Variants in SCARF1 observed in about 807,000 individuals in gnomAD.
The protein encoded by SCARF1 is acetyl LDL receptor.
Under a neutral mutation model 76.3 loss-of-function variants are expected in SCARF1, and 49 were observed. The observed-to-expected ratio is 0.64, with a 90% CI of 0.51 to 0.81. The LOEUF (loss-of-function observed/expected upper bound fraction) is 0.81, where lower values mean the gene tolerates loss of function less well. Among genes scored for constraint, SCARF1 ranks in the 40% least tolerant of loss-of-function variants. The pLI is 0.00. For missense variants in SCARF1, 1,098 were observed against 1,143.9 expected, an observed-to-expected ratio of 0.96 and a Z score of 0.58; for synonymous variants, 495 against 474.6, an observed-to-expected ratio of 1.04 and a Z score of -0.56.
At chr17:1,638,972 A>G (rs1158789473) in intron 7 of SCARF1, 46 bp from the exon 8 acceptor site, 12 of 1,521,112 alleles carry the variant, frequency 7.9e-6, no homozygotes, top group Admixed American at 3.7e-5. Context: ...CCTGTCTCCT[A>G]CACATCCTGT....
chr17:1,640,459 C>A lies in SCARF1; in HGVS notation c.999G>T (p.Trp333Cys), dbSNP rs536728762. 4 of 1,557,362 alleles carry A rather than the reference C, an allele frequency of 2.6e-6. No individual in the cohort carries two copies. In the South Asian group the frequency reaches 3.5e-5, roughly 14 times the overall value. ...TGHCQRCDPG[W>C]LGPRCEDPCP... The stretch of plus-strand genomic sequence containing the variant: ...AATGGTGCCCTCACCTGGGCCCCAG[C>A]CAGCCAGGGTCACAGCGCTGACAGT... The change falls in exon 5 of 11, where the codon TGG becomes TGT. Residue 333 changes from tryptophan to cysteine, a missense_variant. Physicochemically the swap from Trp to Cys is radical, Grantham distance 215 (BLOSUM62 -2). Transcript: ENST00000263071. This position sits in a 1 kb window ranked among gnomAD's most constrained non-coding sequence, Gnocchi z 4.7.
Position 1,644,669 on chromosome 17 carries a change from AGTGT to A in SCARF1, c.265+161_265+164del, listed in dbSNP as rs1567667139. 3.0e-6 allele frequency: 2 copies of A among 665,238 alleles called. No homozygotes were observed. Among genetic ancestry groups the A allele is most frequent in the South Asian group, 3.6e-5 (2 of 55,256 alleles). 41.2% of individuals were successfully genotyped at this position (665,238 alleles called of 1,614,324 possible). On this transcript the variant is annotated intron_variant, in intron 3 of 10. Transcript: ENST00000263071. This position sits in a 1 kb window ranked among gnomAD's most constrained non-coding sequence, Gnocchi z 4.8. ...CCGGTGACTCAGGTCATCTCCCGGGAGTGTGTGTCACTTCCTGTCTCTGGACCGC... is the reference window on the plus strand; with the variant it reads ...CCGGTGACTCAGGTCATCTCCCGGGAGTGTCACTTCCTGTCTCTGGACCGC...
At position 1,634,862 on chromosome 17, in the gene SCARF1, A is replaced by C; in HGVS notation, c.2389T>G (p.Cys797Gly). The C allele has an allele frequency of 6.2e-7, 1 of 1,613,470 alleles. No homozygotes were observed. Among genetic ancestry groups the C allele is most frequent in the Non-Finnish European group, 8.5e-7 (1 of 1,179,934 alleles). Residue 797 changes from cysteine (C) to glycine (G), a missense_variant, in exon 11 of 11, where the codon TGT (cysteine) becomes GGT (glycine). By Grantham distance (159) the Cys-to-Gly change is radical. Transcript: ENST00000263071. ...SRRAQEPVSG[C>G]GSPEQDPQKQ... is the part of the protein sequence containing the mutation. ...TGGGGATCCTGTTCTGGGGAGCCACAGCCAGAGACTGGCTCCTGGGCTCTC... is the reference window on the plus strand; with the variant it reads ...TGGGGATCCTGTTCTGGGGAGCCACCGCCAGAGACTGGCTCCTGGGCTCTC...
At chr17:1,637,847 G>T (rs1236624575) in intron 8 of SCARF1, among the ~76,000 whole-genome samples, 2 of 152,192 alleles carry the variant, frequency 1.3e-5, no homozygotes, top group Non-Finnish European at 1.5e-5. Context: ...ATGTGGAGGA[G>T]ACTGCTCTGC....
In SCARF1 at chr17:1,634,412, T is replaced by A; in HGVS notation, c.*346A>T. ...TCAAAAAAAAAAAAAAAAATTTGTT[T>A]AGCCAATCTTTTATCAGCAAACATG... On this transcript the variant is annotated 3_prime_UTR_variant, in exon 11 of 11. Coordinates refer to ENST00000263071, the MANE Select transcript of SCARF1 (RefSeq NM_003693.4). 1 of 395,884 alleles carries A rather than the reference T, an allele frequency of 2.5e-6. No individual in the cohort carries two copies. The highest frequency in any genetic ancestry group is 4.4e-6 in the Non-Finnish European group (1 of 225,212). 24.5% of individuals were successfully genotyped at this position (395,884 alleles called of 1,614,324 possible).
Position 1,640,261 on chromosome 17 carries a change from G to A in SCARF1, c.1010+187C>T, listed in dbSNP as rs889195772. 5.3e-6 allele frequency: 4 copies of A among 753,614 alleles called. No homozygotes were observed. The highest frequency in any genetic ancestry group is 1.8e-5 in the African/African-American group (1 of 56,590). The allele number at this position is 753,614 out of a possible 1,614,324, so 46.7% of individuals were successfully genotyped here. A position where few individuals can be genotyped will look rare whatever the true frequency, so the allele number is the denominator to read the frequency against. Reference sequence around the variant, plus strand: ...CGAGGAGGGCAGGAAGCCTCAGAGGGGAGGGAGCTGGGATCCTGCCCAGGC... The same window carrying A: ...CGAGGAGGGCAGGAAGCCTCAGAGGAGAGGGAGCTGGGATCCTGCCCAGGC... On this transcript the variant is annotated intron_variant, in intron 5 of 10. Coordinates refer to ENST00000263071, the MANE Select transcript of SCARF1 (RefSeq NM_003693.4). This position sits in a 1 kb window ranked among gnomAD's most constrained non-coding sequence, Gnocchi z 4.7.
Position 1,635,416 on chromosome 17 carries a change from G to A in SCARF1, c.1835C>T (p.Pro612Leu), listed in dbSNP as rs536614166. 40 of 1,614,010 alleles carry A rather than the reference G, an allele frequency of 2.5e-5. No homozygotes were observed. The highest frequency in any genetic ancestry group is 2.0e-4 in the East Asian group (9 of 44,878). Residue 612 changes from proline to leucine, a missense_variant, in exon 11 of 11, where the codon CCG becomes CTG. Coordinates refer to ENST00000263071, the MANE Select transcript of SCARF1 (RefSeq NM_003693.4). ...SRRSSGELSSPLRKPKRLSRG... is the reference protein window; with the variant it reads ...SRRSSGELSSLLRKPKRLSRG... ...GGAGAGCCTCTTGGGCTTTCGGAGCGGGCTGGAGAGCTCCCCTGAGCTTCG... is the reference window on the plus strand; with the variant it reads ...GGAGAGCCTCTTGGGCTTTCGGAGCAGGCTGGAGAGCTCCCCTGAGCTTCG...
Position 1,643,796 on chromosome 17 carries a change from C to G in SCARF1, c.437G>C (p.Gly146Ala). ...CCAGCCGGGTTCGCAGTGGCACACG[C>G]CGGTCGCGGGGTCGCAGCGCCCGTG... ...GPHGRCDPATGVCHCEPGWWS... is the reference protein window; with the variant it reads ...GPHGRCDPATAVCHCEPGWWS... Residue 146 changes from glycine (G) to alanine (A), a missense_variant, in exon 4 of 11, where the codon GGC (glycine) becomes GCC (alanine). Gly to Ala is a moderately conservative substitution (Grantham distance 60, BLOSUM62 0). Transcript: ENST00000263071. 7.9e-7 allele frequency: 1 copy of G among 1,268,110 alleles called. No homozygotes were observed. Among genetic ancestry groups the G allele is most frequent in the Non-Finnish European group, 9.9e-7 (1 of 1,010,176 alleles). The allele number at this position is 1,268,110 out of a possible 1,614,324, so 78.6% of individuals were successfully genotyped here. A position where few individuals can be genotyped will look rare whatever the true frequency, so the allele number is the denominator to read the frequency against.
intron 10 of SCARF1, 62 bp from the exon 11 acceptor site, chr17:1,635,679 C>A: frequency 6.6e-7 from 1 of 1,520,840 alleles, no homozygotes; most frequent in East Asian, 2.3e-5. Context: ...GCATCCTACC[C>A]ACAGCTCAGC....
At position 1,640,292 on chromosome 17, in the gene SCARF1, C is replaced by T. The variant is rs371348831; in HGVS notation, c.1010+156G>A. The stretch of plus-strand genomic sequence containing the variant: ...AGCTGGGATCCTGCCCAGGCCCCCC[C>T]AGAACCCACTGCTCTCCCCCAGTCT... On this transcript the variant is annotated intron_variant, in intron 5 of 10. Transcript: ENST00000263071. This position sits in a 1 kb window ranked among gnomAD's most constrained non-coding sequence, Gnocchi z 4.7. 7.7e-5 allele frequency: 63 copies of T among 819,504 alleles called. No individual in the cohort carries two copies. The African/African-American group carries it at 8.3e-4, about 11-fold the overall frequency. 50.8% of individuals were successfully genotyped at this position (819,504 alleles called of 1,614,324 possible). A position where few individuals can be genotyped will look rare whatever the true frequency, so the allele number is the denominator to read the frequency against.
Position 1,640,309 on chromosome 17 carries a change from C to G in SCARF1, c.1010+139G>C. On this transcript the variant is annotated intron_variant, in intron 5 of 10. Transcript: ENST00000263071. The surrounding 1 kb of genome is among the most constrained non-coding windows in gnomAD (Gnocchi z 4.7). ...GGCCCCCCCAGAACCCACTGCTCTC[C>G]CCCAGTCTTCAACAGGAGGGAGGCC... 2.3e-6 allele frequency: 2 copies of G among 875,466 alleles called. No homozygotes were observed. Among genetic ancestry groups the G allele is most frequent in the East Asian group, 2.7e-5 (1 of 37,488 alleles). The allele number at this position is 875,466 out of a possible 1,614,324, so 54.2% of individuals were successfully genotyped here.
At chr17:1,637,209 GC>G in intron 8 of SCARF1, 147 bp from the exon 9 acceptor site, 1 of 879,142 alleles carries the variant, frequency 1.1e-6, no homozygotes, top group Non-Finnish European at 1.7e-6. Context: ...AAATGATTGA[GC>G]CCACAATTCA....
At position 1,634,997 on chromosome 17, in the gene SCARF1, G is replaced by A; in HGVS notation, c.2254C>T (p.Gln752Ter). Residue 752 changes from glutamine (Q) to a stop codon, truncating the protein, a stop_gained, in exon 11 of 11, where the codon CAG becomes TAG. Coordinates refer to ENST00000263071, the MANE Select transcript of SCARF1 (RefSeq NM_003693.4). LOFTEE classifies it low-confidence loss of function (END_TRUNC). ...GCTTTTGGGGCTGAGTTGGGGCTCT[G>A]GCCGACAGAGCCAGAGGCAAGGCCA... ...SPGLASGSVG[Q>*]SPNSAPKAGL... The A allele has an allele frequency of 6.2e-7, 1 of 1,613,884 alleles. No homozygotes were observed. The highest frequency in any genetic ancestry group is 8.5e-7 in the Non-Finnish European group (1 of 1,179,890).
chr17:1,635,561 A>G lies in SCARF1; in HGVS notation c.1690T>C (p.Phe564Leu). 6.2e-7 allele frequency: 1 copy of G among 1,610,550 alleles called. No homozygotes were observed. The highest frequency in any genetic ancestry group is 8.5e-7 in the Non-Finnish European group (1 of 1,179,976). Residue 564 changes from phenylalanine to leucine, a missense_variant, in exon 11 of 11, where the codon TTC becomes CTC. Phe to Leu is a conservative substitution (Grantham distance 22). Transcript: ENST00000263071. ...SSEASLAAGA[F>L]PPPEDASTPF... Reference sequence around the variant, plus strand: ...GTGGAGGCGTCCTCAGGGGGCGGGAAAGCACCTGCAGCCAGGCTGGCCTCT... The same window carrying G: ...GTGGAGGCGTCCTCAGGGGGCGGGAGAGCACCTGCAGCCAGGCTGGCCTCT...
chr17:1,637,095 C>G, intron 8 of SCARF1, 33 bp from the exon 9 acceptor site: 1 of 1,605,916 alleles, frequency 6.2e-7, no homozygotes, highest in Non-Finnish European at 8.5e-7. Context: ...CTGGTCAGTA[C>G]ATGAGACCCA....
Position 1,643,495 on chromosome 17 carries a change from C to A in SCARF1, c.738G>T (p.Ala246=). 1.5e-6 allele frequency: 2 copies of A among 1,337,914 alleles called. No individual in the cohort carries two copies. Among genetic ancestry groups the A allele is most frequent in the Non-Finnish European group, 1.9e-6 (2 of 1,051,702 alleles). The allele number at this position is 1,337,914 out of a possible 1,614,324, so 82.9% of individuals were successfully genotyped here. The change falls in exon 4 of 11, where the codon GCG becomes GCT. Residue 246 remains alanine (A), a synonymous_variant. Transcript: ENST00000263071. ...CTGCCGGGCAGGGCAGCTCGCAGCGCGCTCCGCGGAAGCCGGGCGGGCAGG... is the reference window on the plus strand; with the variant it reads ...CTGCCGGGCAGGGCAGCTCGCAGCGAGCTCCGCGGAAGCCGGGCGGGCAGG... ...ECTCPPGFRG[A]RCELPCPAGS... is the part of the protein sequence containing the mutation.
chr17:1,642,170 A>G (rs1350462975), intron 4 of SCARF1, among the ~76,000 whole-genome samples: 1 of 150,512 alleles, frequency 6.6e-6, no homozygotes, highest in Non-Finnish European at 1.5e-5. Flanking sequence ...TTCTTTTTTT[A>G]AATATATTTA....
chr17:1,636,921 G>A lies in SCARF1; in HGVS notation c.1486+20C>T, dbSNP rs372244814. On this transcript the variant is annotated intron_variant, in intron 9 of 10. Coordinates refer to ENST00000263071, the MANE Select transcript of SCARF1 (RefSeq NM_003693.4). ...AAAGCCCTGTCCAATCCCAGACCCC[G>A]GCCCCCAGCGCCCACTGACCTGTCA... The A allele has an allele frequency of 9.7e-5, 156 of 1,613,984 alleles. No individual in the cohort carries two copies. Among genetic ancestry groups the A allele is most frequent in the East Asian group, 5.3e-4 (24 of 44,878 alleles).
rs1184746046 is a variant in SCARF1, at chr17:1,635,337, T to G, written c.1914A>C (p.Pro638=). The G allele has an allele frequency of 6.2e-7, 1 of 1,613,004 alleles. No individual in the cohort carries two copies. Among genetic ancestry groups the G allele is most frequent in the Non-Finnish European group, 8.5e-7 (1 of 1,179,564 alleles). The change falls in exon 11 of 11, where the codon CCA becomes CCC. Residue 638 remains proline (P), a synonymous_variant. Coordinates refer to ENST00000263071, the MANE Select transcript of SCARF1 (RefSeq NM_003693.4). ...AGGACTCGGGGGCTTCTGCTTCCTC[T>G]GGGCCTGTGGACTCTTCGGCTTCCC... is the stretch of plus-strand genomic sequence containing the variant. The part of the protein sequence containing the change: ...EGREAEESTG[P]EEAEAPESFP...
Sources: gnomAD v4.1 joint callset for allele counts (sites outside exome capture counted in the v4.1 genomes callset) on GRCh38, gnomAD v4.1.1 for gene constraint, Gnocchi (gnomAD v3.1) non-coding constraint, MANE v1.5 for transcripts, NCBI Gene and HGNC (gene_info 2026-07-23, HGNC 2026-07-21) for gene names.